LRP2: variants seen among roughly 807,000 people sequenced by gnomAD.
LRP2 encodes the protein LDL receptor related protein 2, also known as low-density lipoprotein receptor-related protein 2.
A neutral mutation model predicts 531.0 loss-of-function variants in LRP2; 172 were observed. That is an observed-to-expected ratio of 0.32 (90% confidence interval 0.29 to 0.37). The LOEUF is 0.37. Ranked by LOEUF, LRP2 falls within the 10% of genes least tolerant of loss-of-function variation. The pLI is 1.00. For missense variants in LRP2, 5,167 were observed against 5,868.3 expected, an observed-to-expected ratio of 0.88 and a Z score of 3.90; for synonymous variants, 1,992 against 2,027.6, an observed-to-expected ratio of 0.98 and a Z score of 0.47.
chr2:169,316,432 A>G (rs1179456522), intron 3 of LRP2, among the ~76,000 whole-genome samples: 1 of 152,220 alleles, frequency 6.6e-6, no homozygotes. Flanking sequence ...CACAAATTCA[A>G]CAAGTAAGAG....
intron 1 of LRP2, among the ~76,000 whole-genome samples, chr2:169,336,437 G>A (rs1180174249): frequency 2.0e-5 from 3 of 152,054 alleles, no homozygotes; most frequent in Non-Finnish European, 4.4e-5. Flanking sequence ...CTACTCAGGA[G>A]GCTGAGGCAG....
In LRP2 at chr2:169,145,491, C is replaced by T. The variant is rs568357338; in HGVS notation, c.12988+256G>A. Among the ~76,000 whole-genome samples, 11 of 152,324 alleles carry T rather than the reference C, an allele frequency of 7.2e-5. 1 individual carries two copies. The South Asian group carries it at 2.3e-3, about 32-fold the overall frequency. ...AGAAGTACATATCCATCACTCCAAA[C>T]AATGATGAGGGCTAATATTTTTACT... On this transcript the variant is annotated intron_variant, in intron 70 of 78. Transcript: ENST00000649046.
At chr2:169,209,713 C>T (rs551171591) in intron 37 of LRP2, 72 bp from the exon 38 acceptor site, 50 of 1,405,116 alleles carry the variant, frequency 3.6e-5, no homozygotes, top group Non-Finnish European at 4.6e-5. Flanking sequence ...TGCCCTTCCT[C>T]TCAAACCCTC....
rs1685761899 is a variant in LRP2, at chr2:169,348,699, G to A, written c.79+13622C>T. ...AATAGCAGAATGACCCATTCTGTAT[G>A]TACAGGGGAATTCTCACAGGGTAAC... On this transcript the variant is annotated intron_variant, in intron 1 of 78. Transcript: ENST00000649046. Among the ~76,000 whole-genome samples the A allele has an allele frequency of 3.9e-5, 6 of 152,306 alleles. No homozygotes were observed. In the South Asian group the frequency reaches 1.2e-3, roughly 32 times the overall value.
At chr2:169,350,088 A>C (rs1685806620) in intron 1 of LRP2, among the ~76,000 whole-genome samples, 1 of 152,232 alleles carries the variant, frequency 6.6e-6, no homozygotes, top group Non-Finnish European at 1.5e-5. Flanking sequence ...TGGATTCTAG[A>C]TGTATTTTGA....
At chr2:169,325,548 C>T (rs918613178) in intron 1 of LRP2, among the ~76,000 whole-genome samples, 2 of 152,182 alleles carry the variant, frequency 1.3e-5, no homozygotes, top group Non-Finnish European at 2.9e-5. Flanking sequence ...CAAGGCCAGT[C>T]CCCTTTTGAA....
rs1407174311 is a variant in LRP2, at chr2:169,226,560, C to T, written c.5256G>A (p.Arg1752=). ...GGGAGATTCCAAAAATTATATGTTGCCTTACAGTTATTAAGAAAGGTTGAT... is the reference window on the plus strand; with the variant it reads ...GGGAGATTCCAAAAATTATATGTTGTCTTACAGTTATTAAGAAAGGTTGAT... ...RDDQPFLITV[R]QHIIFGISLN... Residue 1752 remains arginine, a synonymous_variant, in exon 32 of 79, where the codon AGG becomes AGA. Transcript: ENST00000649046. 13 of 1,612,386 alleles carry T rather than the reference C, an allele frequency of 8.1e-6. No individual in the cohort carries two copies. The African/African-American group carries it at 1.1e-4, about 13-fold the overall frequency.
chr2:169,301,970 T>C (rs1027691739), intron 4 of LRP2, among the ~76,000 whole-genome samples: 3 of 152,136 alleles, frequency 2.0e-5, no homozygotes, highest in African/African-American at 4.8e-5. Context: ...TTTTCCAACA[T>C]CCATTACTAT....
At chr2:169,238,360 T>C in intron 26 of LRP2, 58 bp from the exon 27 acceptor site, 1 of 1,184,938 alleles carries the variant, frequency 8.4e-7, no homozygotes, top group South Asian at 1.3e-5. Context: ...ACAAAACAAC[T>C]CTTTAAAACT....
chr2:169,181,200 T>TA (rs889320229), intron 52 of LRP2, among the ~76,000 whole-genome samples: 38 of 152,102 alleles, frequency 2.5e-4, no homozygotes, highest in East Asian at 2.1e-3. Context: ...ATTTTCTAGA[T>TA]AAAAAAACAA....
At position 169,244,946 on chromosome 2, in the gene LRP2, A is replaced by G. The variant is rs776311482; in HGVS notation, c.3191-14T>C. The G allele has an allele frequency of 6.2e-7, 1 of 1,614,146 alleles. No homozygotes were observed. Among genetic ancestry groups the G allele is most frequent in the Admixed American group, 1.7e-5 (1 of 60,026 alleles). On this transcript the variant is annotated splice_polypyrimidine_tract_variant and intron_variant, in intron 21 of 78. Transcript: ENST00000649046. ...AACAGGTATTATCTACAATAGTAACAAACTGGTCATGAAGACATTTGTTTT... is the reference window on the plus strand; with the variant it reads ...AACAGGTATTATCTACAATAGTAACGAACTGGTCATGAAGACATTTGTTTT...
chr2:169,310,574 T>G (rs1684565608), intron 3 of LRP2, among the ~76,000 whole-genome samples: 1 of 152,230 alleles, frequency 6.6e-6, no homozygotes, highest in Non-Finnish European at 1.5e-5. Flanking sequence ...GTGGATAAAC[T>G]TTTTGATGTG....
intron 47 of LRP2, among the ~76,000 whole-genome samples, chr2:169,193,116 T>G (rs938479330): frequency 6.6e-6 from 1 of 152,168 alleles, no homozygotes; most frequent in African/African-American, 2.4e-5. Context: ...ATTGTTATAC[T>G]GTGAAGGTTG....
intron 19 of LRP2, among the ~76,000 whole-genome samples, chr2:169,254,334 T>C (rs2105401991): frequency 1.2e-5 from 1 of 83,836 alleles, no homozygotes; most frequent in Non-Finnish European, 2.2e-5. Flanking sequence ...TGAGTTCATA[T>C]CCTTTGTAGA....
intron 43 of LRP2, among the ~76,000 whole-genome samples, chr2:169,202,405 G>T (rs753848636): frequency 2.6e-5 from 4 of 152,176 alleles, no homozygotes; most frequent in African/African-American, 2.4e-5. Context: ...CTTGCACCAT[G>T]CCTCATGCTA....
chr2:169,258,519 A>G (rs1251629029), intron 17 of LRP2, among the ~76,000 whole-genome samples: 1 of 152,120 alleles, frequency 6.6e-6, no homozygotes, highest in African/African-American at 2.4e-5. Flanking sequence ...AGTAGGAACC[A>G]AAAAGGAATA....
At chr2:169,150,276 G>A (rs1295354917) in intron 68 of LRP2, among the ~76,000 whole-genome samples, 1 of 152,160 alleles carries the variant, frequency 6.6e-6, no homozygotes, top group Non-Finnish European at 1.5e-5. Flanking sequence ...TTTTTAAAGT[G>A]TCACTATTCT....
chr2:169,233,661 T>C, intron 29 of LRP2, 73 bp from the exon 30 acceptor site: 1 of 1,305,022 alleles, frequency 7.7e-7, no homozygotes, highest in East Asian at 2.3e-5. Context: ...AAAGAGGATA[T>C]CTGCTCAAGA....
chr2:169,320,957 T>A lies in LRP2; in HGVS notation c.80-73A>T, dbSNP rs1684894506. 3.6e-6 allele frequency: 4 copies of A among 1,114,772 alleles called. No homozygotes were observed. The South Asian group carries it at 5.2e-5, about 14-fold the overall frequency. 69.1% of individuals were successfully genotyped at this position (1,114,772 alleles called of 1,614,324 possible). On this transcript the variant is annotated intron_variant, in intron 1 of 78. Transcript: ENST00000649046. ...TAACCGAAGAAATATAAATTTTTGA[T>A]AAAATGAAAAATTATTCAACTAATT...
Sources: gnomAD v4.1 joint callset for allele counts (sites outside exome capture counted in the v4.1 genomes callset) on GRCh38, gnomAD v4.1.1 for gene constraint, MANE v1.5 for transcripts, NCBI Gene and HGNC (gene_info 2026-07-23, HGNC 2026-07-21) for gene names.